ARB2A: variants seen among roughly 807,000 people sequenced by gnomAD.
The protein encoded by ARB2A is cotranscriptional regulator ARB2A.
chr5:94,081,305 G>C, the ARB2A span, among the ~76,000 whole-genome samples: 3 of 152,266 alleles, frequency 2.0e-5, no homozygotes, highest in East Asian at 3.9e-4. Context: ...ATTACACACA[G>C]AGTTACCATA....
At chr5:93,719,595 G>A in the ARB2A span, among the ~76,000 whole-genome samples, 1 of 152,094 alleles carries the variant, frequency 6.6e-6, no homozygotes, top group Non-Finnish European at 1.5e-5. Context: ...TATCTTCCAT[G>A]CACTTTTTCA....
chr5:93,753,832 G>C, the ARB2A span, among the ~76,000 whole-genome samples: 1 of 152,142 alleles, frequency 6.6e-6, no homozygotes, highest in African/African-American at 2.4e-5. Flanking sequence ...CAGGCGTTTA[G>C]ACAACATAAT....
the ARB2A span, among the ~76,000 whole-genome samples, chr5:93,965,973 A>G: frequency 6.6e-6 from 1 of 152,054 alleles, no homozygotes; most frequent in African/African-American, 2.4e-5. Flanking sequence ...CATTAGAACT[A>G]GGTAATAAAA....
the ARB2A span, among the ~76,000 whole-genome samples, chr5:94,086,758 G>A: frequency 6.6e-6 from 1 of 152,118 alleles, no homozygotes; most frequent in Non-Finnish European, 1.5e-5. Context: ...TCACCACAGT[G>A]GCCAGGCTGG....
the ARB2A span, among the ~76,000 whole-genome samples, chr5:93,767,445 C>G: frequency 6.6e-6 from 1 of 151,998 alleles, no homozygotes; most frequent in African/African-American, 2.4e-5. Context: ...GAATGTACAG[C>G]CACTATGGAA....
chr5:93,992,662 A>C, the ARB2A span, among the ~76,000 whole-genome samples: 2 of 152,162 alleles, frequency 1.3e-5, no homozygotes, highest in East Asian at 3.9e-4. Context: ...AAACTAAAGC[A>C]CCTCAGAATA....
the ARB2A span, among the ~76,000 whole-genome samples, chr5:93,762,567 A>T: frequency 6.6e-6 from 1 of 152,250 alleles, no homozygotes. Flanking sequence ...GACCAAATCT[A>T]TGTCTGATTG....
At chr5:93,820,734 C>T in the ARB2A span, among the ~76,000 whole-genome samples, 1 of 152,068 alleles carries the variant, frequency 6.6e-6, no homozygotes, top group African/African-American at 2.4e-5. Flanking sequence ...TTTAAAAGTT[C>T]ATTATCAATT....
chr5:93,665,910 T>G, the ARB2A span, among the ~76,000 whole-genome samples: 1 of 152,192 alleles, frequency 6.6e-6, no homozygotes, highest in Non-Finnish European at 1.5e-5. Flanking sequence ...ACCAGAGACG[T>G]TCTTTTCTCT....
chr5:94,010,215 T>C, the ARB2A span, among the ~76,000 whole-genome samples: 2 of 152,142 alleles, frequency 1.3e-5, no homozygotes, highest in African/African-American at 4.8e-5. Context: ...ATTGTTTTAG[T>C]TGCATACCAT....
the ARB2A span, among the ~76,000 whole-genome samples, chr5:93,719,608 A>G: frequency 1.3e-5 from 2 of 152,086 alleles, no homozygotes; most frequent in Non-Finnish European, 2.9e-5. Context: ...CTTTTTCACC[A>G]CATCTCAAGG....
the ARB2A span, chr5:93,861,565 T>C: frequency 6.6e-6 from 1 of 152,190 alleles, no homozygotes; most frequent in Non-Finnish European, 1.5e-5. Flanking sequence ...TCAATAACTA[T>C]TTGATGAAAT....
the ARB2A span, among the ~76,000 whole-genome samples, chr5:94,079,901 G>A: frequency 6.6e-6 from 1 of 152,034 alleles, no homozygotes; most frequent in African/African-American, 2.4e-5. Context: ...CCCCAAATTG[G>A]TAATCATCTG....
chr5:94,018,196 A>G, the ARB2A span, among the ~76,000 whole-genome samples: 1 of 152,326 alleles, frequency 6.6e-6, no homozygotes, highest in Admixed American at 6.5e-5. Flanking sequence ...AAGTCTCAAT[A>G]AAGTGGTGCT....
chr5:94,055,695 G>A, the ARB2A span: 1 of 985,120 alleles, frequency 1.0e-6, no homozygotes, highest in Non-Finnish European at 1.2e-6. Flanking sequence ...AGACAGAAGG[G>A]TTTTAATATC....
chr5:93,881,777 AT>A, the ARB2A span: 1 of 796,794 alleles, frequency 1.3e-6, no homozygotes, highest in Non-Finnish European at 1.8e-6. Flanking sequence ...AGTCTAAGCA[AT>A]TTTTATATAG....
At chr5:93,892,595 A>T in the ARB2A span, among the ~76,000 whole-genome samples, 1 of 149,318 alleles carries the variant, frequency 6.7e-6, no homozygotes, top group African/African-American at 2.5e-5. Context: ...TGGGGGGGGG[A>T]AAACCACACA....
the ARB2A span, among the ~76,000 whole-genome samples, chr5:94,022,845 C>A: frequency 6.6e-6 from 1 of 152,320 alleles, no homozygotes; most frequent in Non-Finnish European, 1.5e-5. Context: ...TAGGCCTTCA[C>A]AAGTGTACAC....
the ARB2A span, among the ~76,000 whole-genome samples, chr5:93,777,240 A>G: frequency 6.6e-6 from 1 of 152,048 alleles, no homozygotes; most frequent in East Asian, 1.9e-4. Flanking sequence ...GCACACCAGC[A>G]TGTCACATGT....
Sources: gnomAD v4.1 joint callset for allele counts (sites outside exome capture counted in the v4.1 genomes callset) on GRCh38, gnomAD v4.1.1 for gene constraint, MANE v1.5 for transcripts, NCBI Gene and HGNC (gene_info 2026-07-23, HGNC 2026-07-21) for gene names.